Variants in ROBO2 observed in about 807,000 individuals in gnomAD.
ROBO2 encodes the protein roundabout guidance receptor 2.
A neutral mutation model predicts 160.8 loss-of-function variants in ROBO2; 53 were observed. The observed-to-expected ratio is 0.33, with a 90% CI of 0.26 to 0.41. ROBO2 has a LOEUF of 0.41. ROBO2 is among the 10% of genes least tolerant of loss of function. The probability of loss-of-function intolerance (pLI) is 1.00; values close to 1 mark genes in which losing one functional copy is unlikely to be tolerated. For synonymous variants in ROBO2, 664 were observed against 611.7 expected, an observed-to-expected ratio of 1.09 and a Z score of -1.26; for missense variants, 1,577 against 1,722.4, an observed-to-expected ratio of 0.92 and a Z score of 1.49.
At chr3:76,411,085 G>A (rs1194835779) in intron 2 of ROBO2, among the ~76,000 whole-genome samples, 1 of 152,004 alleles carries the variant, frequency 6.6e-6, no homozygotes, top group East Asian at 1.9e-4. Flanking sequence ...ATTGTGTTGA[G>A]TCATTTTTTT....
At chr3:77,432,518 AG>A (rs1314462141) in intron 2 of ROBO2, among the ~76,000 whole-genome samples, 1 of 152,138 alleles carries the variant, frequency 6.6e-6, no homozygotes, top group African/African-American at 2.4e-5. Context: ...GGTGTGGGGA[AG>A]CTATTGTCCC....
intron 2 of ROBO2, among the ~76,000 whole-genome samples, chr3:76,321,367 T>C (rs1253593771): frequency 1.3e-5 from 2 of 151,676 alleles, no homozygotes; most frequent in African/African-American, 2.4e-5. Flanking sequence ...ATACAAAAAT[T>C]AGCTGGGCGT....
At chr3:75,942,489 T>A (rs1948102061) in intron 2 of ROBO2, among the ~76,000 whole-genome samples, 1 of 152,144 alleles carries the variant, frequency 6.6e-6, no homozygotes, top group East Asian at 1.9e-4. Context: ...CAATAATTTG[T>A]ATGGAAAAAT....
intron 5 of ROBO2, among the ~76,000 whole-genome samples, chr3:77,521,109 A>G (rs1454386161): frequency 6.6e-6 from 1 of 151,260 alleles, no homozygotes; most frequent in East Asian, 1.9e-4. Context: ...GCCTGTTTTA[A>G]GTACTTTATA....
rs780451103 is a variant in ROBO2 at position 77,040,895 on chromosome 3, C to T, written c.61+49C>T. ...TTTTTTGCGCCCCCCACCCCCCAAT[C>T]CCCCAAAACCATTTCTTTTTGAATT... On this transcript the variant is annotated intron_variant, in intron 1 of 25. Coordinates refer to ENST00000461745, the Ensembl canonical transcript of ROBO2. 1.5e-4 allele frequency: 241 copies of T among 1,598,558 alleles called. 1 individual carries two copies. The Middle Eastern group carries it at 1.8e-3, about 12-fold the overall frequency.
At chr3:77,385,008 GT>G (rs1245568661) in intron 2 of ROBO2, among the ~76,000 whole-genome samples, 1 of 152,034 alleles carries the variant, frequency 6.6e-6, no homozygotes, top group Non-Finnish European at 1.5e-5. Flanking sequence ...AATATGAAGG[GT>G]TTTTTGTTTG....
chr3:75,924,583 G>A (rs1262295101), intron 1 of ROBO2, among the ~76,000 whole-genome samples: 8 of 151,660 alleles, frequency 5.3e-5, no homozygotes, highest in Non-Finnish European at 4.4e-5. Flanking sequence ...TTTATTATGA[G>A]CAGTAAGAAA....
At chr3:76,428,562 TAAG>T (rs1341121247) in intron 2 of ROBO2, among the ~76,000 whole-genome samples, 1 of 152,122 alleles carries the variant, frequency 6.6e-6, no homozygotes, top group Non-Finnish European at 1.5e-5. Context: ...CTTCACTACT[TAAG>T]GAGTTGGTTT....
chr3:77,500,023 A>G lies in ROBO2; in HGVS notation c.806+6641A>G, dbSNP rs187595103. On this transcript the variant is annotated intron_variant, in intron 5 of 25. Coordinates refer to ENST00000461745, the Ensembl canonical transcript of ROBO2. The stretch of plus-strand genomic sequence containing the variant: ...AGTCTGAAAGTTGCCTGCATTTTCT[A>G]CCTTTAGTAAGCTATACATTCTCCT... 7.9e-5 allele frequency among the ~76,000 whole-genome samples: 12 copies of G among 152,244 alleles called. No homozygotes were observed. The East Asian group carries it at 2.1e-3, about 27-fold the overall frequency.
chr3:76,887,193 CATTTTTTTT>C (rs1470973127), intron 2 of ROBO2, among the ~76,000 whole-genome samples: 1 of 120,444 alleles, frequency 8.3e-6, no homozygotes, highest in Non-Finnish European at 1.6e-5. Flanking sequence ...CTTCAGGAAG[CATTTTTTTT>C]TTTTTTTTTT....
intron 2 of ROBO2, among the ~76,000 whole-genome samples, chr3:76,832,878 G>A (rs2067208611): frequency 1.3e-5 from 2 of 152,030 alleles, no homozygotes; most frequent in Admixed American, 1.3e-4. Context: ...TGTTTTAGAA[G>A]TATATAAATT....
chr3:75,948,347 ACATC>A (rs1948400055), intron 2 of ROBO2, among the ~76,000 whole-genome samples: 1 of 152,116 alleles, frequency 6.6e-6, no homozygotes, highest in Admixed American at 6.6e-5. Flanking sequence ...CTGGAAAAAA[ACATC>A]AAACTCTCCT....
At chr3:75,938,396 A>G (rs2107030871) in intron 2 of ROBO2, among the ~76,000 whole-genome samples, 1 of 152,166 alleles carries the variant, frequency 6.6e-6, no homozygotes. Flanking sequence ...CTGCTCAGAT[A>G]CAAATTGCAT....
chr3:77,109,557 ACT>A (rs767488585), intron 2 of ROBO2, among the ~76,000 whole-genome samples: 40 of 152,202 alleles, frequency 2.6e-4, no homozygotes, highest in Non-Finnish European at 4.4e-4. Context: ...AAGGAGGCTG[ACT>A]CTGCAAGAGA....
chr3:76,981,318 T>C (rs1010732031), intron 2 of ROBO2, among the ~76,000 whole-genome samples: 1 of 152,218 alleles, frequency 6.6e-6, no homozygotes, highest in Admixed American at 6.5e-5. Flanking sequence ...ATCAGCATTG[T>C]ATGGAAGATT....
intron 2 of ROBO2, among the ~76,000 whole-genome samples, chr3:77,455,437 G>A (rs541058383): frequency 5.3e-5 from 8 of 151,990 alleles, no homozygotes; most frequent in East Asian, 1.9e-4. Flanking sequence ...AGCAAAAATC[G>A]TTATACTCTT....
At position 76,372,439 on chromosome 3, in the gene ROBO2, T is replaced by G. The variant is rs556842332; in HGVS notation, c.109+434837T>G. Among the ~76,000 whole-genome samples, 7 of 152,016 alleles carry G rather than the reference T, an allele frequency of 4.6e-5. No individual in the cohort carries two copies. In the South Asian group the frequency reaches 1.2e-3, roughly 27 times the overall value. On this transcript the variant is annotated intron_variant, in intron 2 of 26. Transcript: ENST00000487694. ...CAATGTTCAACCTAATTGAAATAAT[T>G]GAGAGGGCTTAACCTTTTGTTTGAA...
At chr3:76,075,472 A>AT (rs10686575) in intron 2 of ROBO2, among the ~76,000 whole-genome samples, 3,369 of 143,456 alleles carry the variant, frequency 0.023, 69 homozygotes, top group East Asian at 0.096. Flanking sequence ...GACTTTTCCT[A>AT]TTTTTTTTTT....
intron 2 of ROBO2, among the ~76,000 whole-genome samples, chr3:76,337,342 T>A (rs903760669): frequency 3.3e-5 from 5 of 152,196 alleles, no homozygotes; most frequent in African/African-American, 1.2e-4. Context: ...CTATTGGTAT[T>A]ATCTTTAACT....
Sources: allele counts gnomAD v4.1 joint callset (sites outside exome capture counted in the v4.1 genomes callset), GRCh38; gene constraint gnomAD v4.1.1; transcripts MANE v1.5; gene names NCBI Gene and HGNC (gene_info 2026-07-23, HGNC 2026-07-21).